Variants in IMMP2L observed in about 807,000 individuals in gnomAD.
IMMP2L encodes the protein mitochondrial inner membrane protease subunit 2.
In IMMP2L, 18 loss-of-function variants were observed where a neutral mutation model predicts 19.3. The ratio of observed to expected loss-of-function variants is 0.93; its 90% confidence interval spans 0.64 to 1.38. IMMP2L has a LOEUF of 1.38. Among genes scored for constraint, IMMP2L ranks in the 40% most tolerant of loss-of-function variants. The pLI is 0.00. For synonymous variants in IMMP2L, 76 were observed against 73.0 expected (o/e 1.04, Z -0.21); for missense variants, 233 against 218.2 (o/e 1.07, Z -0.43).
At chr7:111,370,549 A>G (rs947636423) in intron 3 of IMMP2L, among the ~76,000 whole-genome samples, 3 of 152,034 alleles carry the variant, frequency 2.0e-5, no homozygotes, top group Non-Finnish European at 4.4e-5. Flanking sequence ...CAGTTGACAT[A>G]GACGTTAAAA....
At chr7:110,815,307 G>A (rs969473291) in intron 5 of IMMP2L, among the ~76,000 whole-genome samples, 8 of 152,000 alleles carry the variant, frequency 5.3e-5, no homozygotes, top group Admixed American at 5.2e-4. Flanking sequence ...TGCATCCCAG[G>A]GATGAAGCCC....
At chr7:111,539,196 G>GAGAAAGAAAGAA (rs56749626) in intron 1 of IMMP2L, among the ~76,000 whole-genome samples, 2 of 30,052 alleles carry the variant, frequency 6.7e-5, no homozygotes, top group Non-Finnish European at 5.9e-5. Flanking sequence ...AGGAAGGAGG[G>GAGAAAGAAAGAA]AGAAAGAAAG....
At chr7:111,030,058 G>A (rs10953673) in intron 3 of IMMP2L, among the ~76,000 whole-genome samples, 41,172 of 151,936 alleles carry the variant, frequency 0.27, 6,652 homozygotes, top group East Asian at 0.64. Flanking sequence ...CAGAAAGCCA[G>A]ACTGTAGCTC....
intron 3 of IMMP2L, among the ~76,000 whole-genome samples, chr7:111,356,227 A>C (rs1312488962): frequency 6.6e-6 from 1 of 152,056 alleles, no homozygotes; most frequent in African/African-American, 2.4e-5. Context: ...CAGTTGGCCC[A>C]CTGTATCCAT....
At chr7:111,171,640 G>A (rs1005225878) in intron 3 of IMMP2L, among the ~76,000 whole-genome samples, 1 of 151,470 alleles carries the variant, frequency 6.6e-6, no homozygotes, top group Non-Finnish European at 1.5e-5. Flanking sequence ...AAAGAATCCG[G>A]AGGGAAAAAA....
intron 5 of IMMP2L, among the ~76,000 whole-genome samples, chr7:110,667,273 A>G (rs906724352): frequency 6.6e-6 from 1 of 152,102 alleles, no homozygotes. Context: ...GTTTGCTTTG[A>G]TTACCCATTT....
Position 111,174,174 on chromosome 7 carries a change from G to T in IMMP2L, c.240-210609C>A, listed in dbSNP as rs527843799. On this transcript the variant is annotated intron_variant, in intron 3 of 5. Transcript: ENST00000405709. ...CTAGAATAATACTACAATCATCAGT[G>T]AACTGGCTATAACCACAGAGACTTT... Among the ~76,000 whole-genome samples the T allele has an allele frequency of 2.1e-4, 32 of 151,706 alleles. 1 individual carries two copies. Among genetic ancestry groups the T allele is most frequent in the South Asian group, 1.5e-3 (7 of 4,822 alleles).
At chr7:111,233,310 T>G (rs1462739916) in intron 3 of IMMP2L, among the ~76,000 whole-genome samples, 2 of 152,170 alleles carry the variant, frequency 1.3e-5, no homozygotes, top group Non-Finnish European at 2.9e-5. Flanking sequence ...TAAATAAATG[T>G]GATCTCATTT....
chr7:111,432,226 G>A (rs1013826593), intron 3 of IMMP2L, among the ~76,000 whole-genome samples: 1 of 151,530 alleles, frequency 6.6e-6, no homozygotes, highest in Non-Finnish European at 1.5e-5. Context: ...TGGAGTGTGG[G>A]GGAAAAAAAA....
At chr7:111,157,338 T>C (rs1046651461) in intron 3 of IMMP2L, among the ~76,000 whole-genome samples, 2 of 152,050 alleles carry the variant, frequency 1.3e-5, no homozygotes, top group Admixed American at 6.6e-5. Flanking sequence ...TGTCCATCAA[T>C]TGATGAATGA....
At chr7:111,140,740 T>C (rs1443005373) in intron 3 of IMMP2L, among the ~76,000 whole-genome samples, 2 of 152,238 alleles carry the variant, frequency 1.3e-5, no homozygotes, top group Non-Finnish European at 2.9e-5. Context: ...ACTATTGCTC[T>C]TCATTCATGC....
intron 5 of IMMP2L, among the ~76,000 whole-genome samples, chr7:110,854,504 A>T (rs996416099): frequency 2.0e-5 from 3 of 151,944 alleles, no homozygotes; most frequent in African/African-American, 7.2e-5. Flanking sequence ...TTGCTCCTCC[A>T]TTGTAATAAT....
chr7:111,519,022 G>C (rs1035971881), intron 2 of IMMP2L, among the ~76,000 whole-genome samples: 1 of 152,094 alleles, frequency 6.6e-6, no homozygotes, highest in Non-Finnish European at 1.5e-5. Flanking sequence ...ACCAATCACG[G>C]TACCCCATTC....
chr7:111,418,401 C>T lies in IMMP2L; in HGVS notation c.239+68837G>A, dbSNP rs947362066. On this transcript the variant is annotated intron_variant, in intron 3 of 5. Coordinates refer to ENST00000405709, the MANE Select transcript of IMMP2L (RefSeq NM_032549.4). ...TATTCCTTTCTTCATCCTAGATGTA[C>T]TGCAATATCAATAACCCAGTCACAT... 6.6e-5 allele frequency among the ~76,000 whole-genome samples: 10 copies of T among 151,848 alleles called. No homozygotes were observed. In the East Asian group the frequency reaches 1.9e-3, roughly 29 times the overall value.
At chr7:111,165,096 C>T (rs1805679953) in intron 3 of IMMP2L, among the ~76,000 whole-genome samples, 1 of 151,986 alleles carries the variant, frequency 6.6e-6, no homozygotes, top group Non-Finnish European at 1.5e-5. Context: ...ACATCCGGGG[C>T]CCCTGGCAAC....
chr7:111,225,367 G>A (rs75668902), intron 3 of IMMP2L, among the ~76,000 whole-genome samples: 1,622 of 152,048 alleles, frequency 0.011, 32 homozygotes, highest in African/African-American at 0.036. Flanking sequence ...TAATAAATGG[G>A]ATTTGTTTAT....
At chr7:111,480,617 A>AC (rs1465209761) in intron 3 of IMMP2L, among the ~76,000 whole-genome samples, 2 of 150,460 alleles carry the variant, frequency 1.3e-5, no homozygotes, top group African/African-American at 4.9e-5. Context: ...AAAAAAAAAA[A>AC]AAAAACTGGA....
chr7:111,148,534 AGTT>A (rs756370238), intron 3 of IMMP2L, among the ~76,000 whole-genome samples: 15 of 152,080 alleles, frequency 9.9e-5, no homozygotes, highest in Non-Finnish European at 1.8e-4. Flanking sequence ...ATCTCAATAA[AGTT>A]GTTGTAAAAA....
At chr7:110,916,880 AG>A (rs1813670005) in intron 4 of IMMP2L, among the ~76,000 whole-genome samples, 2 of 152,204 alleles carry the variant, frequency 1.3e-5, no homozygotes, top group Admixed American at 6.6e-5. Context: ...TTAATAGATC[AG>A]TCATCACAAA....
Sources: gnomAD v4.1 joint callset for allele counts (sites outside exome capture counted in the v4.1 genomes callset) on GRCh38, gnomAD v4.1.1 for gene constraint, MANE v1.5 for transcripts, NCBI Gene and HGNC (gene_info 2026-07-23, HGNC 2026-07-21) for gene names.